GON4L: variants seen among roughly 807,000 people sequenced by gnomAD.
GON4L encodes the protein gon-4 like, also known as GON-4-like protein.
A neutral mutation model predicts 211.8 loss-of-function variants in GON4L; 87 were observed. The ratio of observed to expected loss-of-function variants is 0.41; its 90% CI spans 0.35 to 0.49. The LOEUF (loss-of-function observed/expected upper bound fraction) is 0.49. Among genes scored for constraint, GON4L ranks in the 20% least tolerant of loss-of-function variants. The probability of loss-of-function intolerance (pLI) is 0.15; values close to 1 mark genes in which losing one functional copy is unlikely to be tolerated. For synonymous variants in GON4L, 875 were observed against 962.6 expected (o/e 0.91, Z 1.68); for missense variants, 2,155 against 2,659.5 (o/e 0.81, Z 4.17).
chr1:155,777,901 AG>A (rs1478702521), intron 14 of GON4L, 81 bp from the exon 15 acceptor site: 29 of 851,386 alleles, frequency 3.4e-5, no homozygotes, highest in Admixed American at 2.3e-4. Context: ...TGATGAGCAA[AG>A]AGCCTGAACA....
chr1:155,790,213 C>T (rs1665382478), intron 12 of GON4L, among the ~76,000 whole-genome samples: 1 of 152,126 alleles, frequency 6.6e-6, no homozygotes, highest in African/African-American at 2.4e-5. Context: ...GATTCTCCTG[C>T]CTCAGCCTCC....
chr1:155,815,687 C>A, intron 8 of GON4L, 118 bp downstream of exon 8: 4 of 713,786 alleles, frequency 5.6e-6, no homozygotes, highest in Non-Finnish European at 7.7e-6. Context: ...CAGCTTAAAG[C>A]ACAGAAATGA....
chr1:155,820,925 C>A (rs1425072197), intron 5 of GON4L, among the ~76,000 whole-genome samples: 1 of 151,954 alleles, frequency 6.6e-6, no homozygotes, highest in South Asian at 2.1e-4. Context: ...GAGTTTGAGT[C>A]CAGCCTTGGT....
chr1:155,790,223 C>T (rs1665383826), intron 12 of GON4L, among the ~76,000 whole-genome samples: 1 of 152,144 alleles, frequency 6.6e-6, no homozygotes, highest in African/African-American at 2.4e-5. Context: ...CCTCAGCCTC[C>T]TTAGTAGCTG....
intron 9 of GON4L, 107 bp from the exon 10 acceptor site, chr1:155,813,911 C>A: frequency 3.6e-6 from 3 of 841,570 alleles, no homozygotes; most frequent in Non-Finnish European, 5.8e-6. Context: ...TTCCATACAC[C>A]ATTGTCCTTT....
At chr1:155,785,898 C>G (rs933077612) in intron 12 of GON4L, among the ~76,000 whole-genome samples, 9 of 152,098 alleles carry the variant, frequency 5.9e-5, no homozygotes, top group African/African-American at 1.7e-4. Context: ...AGATTGAGAC[C>G]ATCCTAGCTA....
downstream of GON4L, chr1:155,748,170 GCCT>G (rs1263365578): frequency 4.0e-6 from 6 of 1,515,120 alleles, no homozygotes; most frequent in South Asian, 1.2e-5. Flanking sequence ...AGGCTACAGG[GCCT>G]CCTCATGCTC....
intron 6 of GON4L, among the ~76,000 whole-genome samples, chr1:155,818,195 C>A (rs1668424786): frequency 6.6e-6 from 1 of 151,838 alleles, no homozygotes; most frequent in African/African-American, 2.4e-5. Context: ...GGTCTCCGCT[C>A]ACTGCAACCT....
chr1:155,809,197 G>A (rs1341751350), intron 10 of GON4L, among the ~76,000 whole-genome samples: 2 of 152,080 alleles, frequency 1.3e-5, no homozygotes, highest in Non-Finnish European at 2.9e-5. Flanking sequence ...TACAGCCAAG[G>A]AGGTCTTTTT....
At chr1:155,850,336 CA>C (rs758725945) in intron 2 of GON4L, among the ~76,000 whole-genome samples, 1 of 151,722 alleles carries the variant, frequency 6.6e-6, no homozygotes. Context: ...AATACACATA[CA>C]AAAAAAACCG....
At chr1:155,797,153 C>T (rs974480902) in intron 11 of GON4L, among the ~76,000 whole-genome samples, 4 of 151,856 alleles carry the variant, frequency 2.6e-5, no homozygotes, top group East Asian at 1.9e-4. Context: ...CTCGCTCTGT[C>T]GCCCAGGCTG....
chr1:155,821,455 G>A lies in GON4L; in HGVS notation c.963+19C>T, dbSNP rs1390182772. 5 of 1,454,894 alleles carry A rather than the reference G, an allele frequency of 3.4e-6. No individual in the cohort carries two copies. Among genetic ancestry groups the A allele is most frequent in the African/African-American group, 1.4e-5 (1 of 71,948 alleles). 90.1% of individuals were successfully genotyped at this position (1,454,894 alleles called of 1,614,324 possible). A position where few individuals can be genotyped will look rare whatever the true frequency, so the allele number is the denominator to read the frequency against. ...AACTCTGTTCCAAGACATTAAAAGAGTGATAATCAACTACTCACAAACATT... is the reference window on the plus strand; with the variant it reads ...AACTCTGTTCCAAGACATTAAAAGAATGATAATCAACTACTCACAAACATT... On this transcript the variant is annotated intron_variant, in intron 5 of 31. Transcript: ENST00000368331.
intron 2 of GON4L, among the ~76,000 whole-genome samples, chr1:155,830,798 G>T (rs541197539): frequency 2.0e-5 from 3 of 152,144 alleles, no homozygotes; most frequent in Admixed American, 1.3e-4. Flanking sequence ...ATGTTGCCAA[G>T]TCTGGTCTTG....
chr1:155,838,223 G>A (rs1231063053), intron 2 of GON4L, among the ~76,000 whole-genome samples: 1 of 152,026 alleles, frequency 6.6e-6, no homozygotes, highest in Non-Finnish European at 1.5e-5. Flanking sequence ...TCATGCCACT[G>A]CACTCCAGCC....
chr1:155,842,381 G>A (rs529014584), intron 2 of GON4L, among the ~76,000 whole-genome samples: 11 of 151,866 alleles, frequency 7.2e-5, no homozygotes, highest in East Asian at 1.9e-4. Context: ...AAAATTAGCC[G>A]GGCATGGTGG....
chr1:155,824,317 C>T (rs1668983852), intron 3 of GON4L, among the ~76,000 whole-genome samples: 1 of 150,728 alleles, frequency 6.6e-6, no homozygotes, highest in Non-Finnish European at 1.5e-5. Flanking sequence ...GCCTGTAGTC[C>T]CAGCTACTTG....
chr1:155,828,607 G>T (rs1669441781), intron 2 of GON4L, among the ~76,000 whole-genome samples: 4 of 150,590 alleles, frequency 2.7e-5, no homozygotes, highest in African/African-American at 9.8e-5. Flanking sequence ...AGGAGTTTGA[G>T]ACCAGCTTGG....
intron 2 of GON4L, among the ~76,000 whole-genome samples, chr1:155,831,363 T>C (rs1669747749): frequency 6.6e-6 from 1 of 152,080 alleles, no homozygotes; most frequent in African/African-American, 2.4e-5. Flanking sequence ...GGCAGAAAGA[T>C]TACTTGAAGC....
chr1:155,810,501 A>G (rs1667652824), intron 10 of GON4L, among the ~76,000 whole-genome samples: 1 of 149,826 alleles, frequency 6.7e-6, no homozygotes, highest in Non-Finnish European at 1.5e-5. Context: ...AGGTCAGGAG[A>G]TCGAGACCAT....
Sources: gnomAD v4.1 joint callset for allele counts (sites outside exome capture counted in the v4.1 genomes callset) on GRCh38, gnomAD v4.1.1 for gene constraint, MANE v1.5 for transcripts, NCBI Gene and HGNC (gene_info 2026-07-23, HGNC 2026-07-21) for gene names.